CDC27: variants seen among roughly 807,000 people sequenced by gnomAD.
The protein encoded by CDC27 is cell division cycle 27.
A neutral mutation model predicts 109.7 loss-of-function variants in CDC27; 27 were observed. The ratio of observed to expected loss-of-function variants is 0.25; its 90% CI spans 0.18 to 0.34. CDC27 has a LOEUF of 0.34. CDC27 is among the 10% of genes least tolerant of loss of function. The pLI is 1.00. For missense variants in CDC27, 579 were observed against 960.2 expected, an observed-to-expected ratio of 0.60 and a Z score of 5.25; for synonymous variants, 266 against 333.9, an observed-to-expected ratio of 0.80 and a Z score of 2.22.
intron 4 of CDC27, among the ~76,000 whole-genome samples, chr17:47,168,968 T>G (rs928641817): frequency 6.6e-6 from 1 of 150,600 alleles, no homozygotes; most frequent in African/African-American, 2.4e-5. Flanking sequence ...ATGGGCAGAG[T>G]TACTTGTTCT....
Position 47,117,961 on chromosome 17 carries a change from C to G in CDC27, c.*2974G>C, listed in dbSNP as rs73985136. 6.6e-6 allele frequency: 1 copy of G among 152,228 alleles called. No individual in the cohort carries two copies. Among genetic ancestry groups the G allele is most frequent in the African/African-American group, 2.4e-5 (1 of 41,544 alleles). The allele number at this position is 152,228 out of a possible 1,614,324, so 9.4% of individuals were successfully genotyped here. A position where few individuals can be genotyped will look rare whatever the true frequency, so the allele number is the denominator to read the frequency against. Reference sequence around the variant, plus strand: ...GTAACTTATTTGGATTTTCCATATCCTTTAATGAATTGCAAATATATTAAC... The same window carrying G: ...GTAACTTATTTGGATTTTCCATATCGTTTAATGAATTGCAAATATATTAAC... On this transcript the variant is annotated 3_prime_UTR_variant, in exon 19 of 19. Coordinates refer to ENST00000066544, the MANE Select transcript of CDC27 (RefSeq NM_001256.6).
At chr17:47,137,908 C>T (rs1324145548) in intron 13 of CDC27, among the ~76,000 whole-genome samples, 2 of 151,966 alleles carry the variant, frequency 1.3e-5, no homozygotes, top group African/African-American at 4.8e-5. Flanking sequence ...TCAAGTGATC[C>T]TCCTGTCTCA....
intron 1 of CDC27, among the ~76,000 whole-genome samples, chr17:47,183,732 G>A (rs777964743): frequency 2.6e-5 from 4 of 152,022 alleles, no homozygotes; most frequent in Non-Finnish European, 5.9e-5. Context: ...ACAAGGTAGG[G>A]GCTACGTCTG....
intron 12 of CDC27, chr17:47,139,963 C>T (rs2062744592): frequency 6.6e-6 from 1 of 151,256 alleles, no homozygotes; most frequent in Non-Finnish European, 1.5e-5. Flanking sequence ...TTCTCAGCTG[C>T]CAGAAAAGGT....
At chr17:47,139,016 T>A (rs1364043017) in intron 12 of CDC27, 125 bp from the exon 13 acceptor site, 2 of 617,386 alleles carry the variant, frequency 3.2e-6, no homozygotes, top group African/African-American at 3.7e-5. Context: ...TTTATGTGAA[T>A]GAGTATTAAC....
chr17:47,124,959 C>T (rs1477910327), intron 16 of CDC27, among the ~76,000 whole-genome samples: 1 of 152,098 alleles, frequency 6.6e-6, no homozygotes, highest in Non-Finnish European at 1.5e-5. Context: ...ATTCTGTCAC[C>T]CAGGCTGGAG....
chr17:47,182,028 G>A (rs1421703279), intron 1 of CDC27, among the ~76,000 whole-genome samples: 3 of 152,130 alleles, frequency 2.0e-5, no homozygotes, highest in Non-Finnish European at 4.4e-5. Flanking sequence ...ACCTCTTCTA[G>A]TAGAGCACTC....
chr17:47,132,777 A>ATTG (rs199536674), intron 14 of CDC27, among the ~76,000 whole-genome samples: 4,732 of 132,780 alleles, frequency 0.036, 311 homozygotes, highest in East Asian at 0.31. Context: ...TATTATTATT[A>ATTG]TTATATTTTA....
Position 47,118,314 on chromosome 17 carries a change from A to T in CDC27, c.*2621T>A, listed in dbSNP as rs891237022. On this transcript the variant is annotated 3_prime_UTR_variant, in exon 19 of 19. Transcript: ENST00000066544. ...ACTTGTAGTTCTCGGAAAAATTAAA[A>T]ATTTTAAGTGATGAATACAGAAAAT... 1 of 152,510 alleles carries T rather than the reference A, an allele frequency of 6.6e-6. No homozygotes were observed. Among genetic ancestry groups the T allele is most frequent in the Non-Finnish European group, 1.5e-5 (1 of 68,044 alleles). The allele number at this position is 152,510 out of a possible 1,614,324, so 9.4% of individuals were successfully genotyped here. A position where few individuals can be genotyped will look rare whatever the true frequency, so the allele number is the denominator to read the frequency against.
In CDC27 at chr17:47,119,056, T is replaced by C. The variant is rs2061932073; in HGVS notation, c.*1879A>G. The stretch of plus-strand genomic sequence containing the variant: ...TATAACGCAGAACTCAGGTTGAAGC[T>C]TTCTATAAAACTCTAAATGACACTG... On this transcript the variant is annotated 3_prime_UTR_variant, in exon 19 of 19. Coordinates refer to ENST00000066544, the MANE Select transcript of CDC27 (RefSeq NM_001256.6). The C allele has an allele frequency of 6.6e-6, 1 of 152,200 alleles. No individual in the cohort carries two copies. Among genetic ancestry groups the C allele is most frequent in the Non-Finnish European group, 1.5e-5 (1 of 68,042 alleles). 9.4% of individuals were successfully genotyped at this position (152,200 alleles called of 1,614,324 possible).
rs1474482780 is a variant in CDC27 at position 47,132,207 on chromosome 17, T to C, written c.2031+50A>G. Reference sequence around the variant, plus strand: ...ACAGCAATTAAATCAATAACAAACATATTTCAAAAGGGAGATTAATAGAGT... The same window carrying C: ...ACAGCAATTAAATCAATAACAAACACATTTCAAAAGGGAGATTAATAGAGT... On this transcript the variant is annotated intron_variant, in intron 15 of 18. Coordinates refer to ENST00000066544, the MANE Select transcript of CDC27 (RefSeq NM_001256.6). 6 of 848,718 alleles carry C rather than the reference T, an allele frequency of 7.1e-6. No homozygotes were observed. The African/African-American group carries it at 1.0e-4, about 15-fold the overall frequency. 52.6% of individuals were successfully genotyped at this position (848,718 alleles called of 1,614,324 possible).
intron 1 of CDC27, among the ~76,000 whole-genome samples, chr17:47,186,617 CAG>C (rs2064447614): frequency 6.6e-6 from 1 of 152,100 alleles, no homozygotes; most frequent in African/African-American, 2.4e-5. Flanking sequence ...AAAGAACTGA[CAG>C]AAATTCTGCC....
chr17:47,184,857 T>C (rs1406058911), intron 1 of CDC27, among the ~76,000 whole-genome samples: 1 of 152,186 alleles, frequency 6.6e-6, no homozygotes, highest in Non-Finnish European at 1.5e-5. Context: ...CAACTGATGG[T>C]GTGGGCCTTC....
chr17:47,177,397 T>C (rs1209629231), intron 2 of CDC27, among the ~76,000 whole-genome samples: 1 of 152,128 alleles, frequency 6.6e-6, no homozygotes, highest in Non-Finnish European at 1.5e-5. Context: ...GCCAACATGG[T>C]GAAACTCCAT....
chr17:47,150,072 T>C (rs2063109343), intron 9 of CDC27, among the ~76,000 whole-genome samples: 1 of 152,126 alleles, frequency 6.6e-6, no homozygotes, highest in African/African-American at 2.4e-5. Context: ...ATTAAATATA[T>C]TACAGCCATC....
chr17:47,175,859 T>A (rs188709921), intron 2 of CDC27, among the ~76,000 whole-genome samples: 1 of 152,314 alleles, frequency 6.6e-6, no homozygotes, highest in African/African-American at 2.4e-5. Flanking sequence ...TTAAGTTTTT[T>A]AATCAACTAT....
intron 4 of CDC27, among the ~76,000 whole-genome samples, chr17:47,166,124 C>T (rs558784130): frequency 6.6e-6 from 1 of 151,978 alleles, no homozygotes; most frequent in Non-Finnish European, 1.5e-5. Context: ...TACATGTATT[C>T]TTAAGGAATA....
chr17:47,169,568 C>T (rs1006574653), intron 4 of CDC27, among the ~76,000 whole-genome samples: 2 of 151,390 alleles, frequency 1.3e-5, no homozygotes, highest in African/African-American at 4.9e-5. Flanking sequence ...TTGCTTGAAC[C>T]CTGGAGGTGG....
At chr17:47,158,705 A>C (rs2063396062) in intron 4 of CDC27, among the ~76,000 whole-genome samples, 1 of 150,894 alleles carries the variant, frequency 6.6e-6, no homozygotes. Flanking sequence ...TGCAACCCCT[A>C]CTTCCTACGC....
Sources: allele counts gnomAD v4.1 joint callset (sites outside exome capture counted in the v4.1 genomes callset), GRCh38; gene constraint gnomAD v4.1.1; transcripts MANE v1.5; gene names NCBI Gene and HGNC (gene_info 2026-07-23, HGNC 2026-07-21).